Variants in NEBL observed in about 807,000 individuals in gnomAD.
The protein encoded by NEBL is nebulette, also known as LIM and SH3 protein 2.
NEBL carries 122 observed loss-of-function variants against 140.2 expected under a neutral mutation model. The observed-to-expected ratio is 0.87, with a 90% CI of 0.75 to 1.01. NEBL has a LOEUF of 1.01. NEBL is among the 50% of genes least tolerant of loss of function. The pLI, the probability that NEBL is intolerant of heterozygous loss-of-function variation, is 0.00. For missense variants in NEBL, 1,365 were observed against 1,231.3 expected (o/e 1.11, Z -1.62); for synonymous variants, 436 against 398.9 (o/e 1.09, Z -1.11).
At chr10:20,871,076 A>T in intron 5 of NEBL, among the ~76,000 whole-genome samples, 1 of 152,344 alleles carries the variant, frequency 6.6e-6, no homozygotes, top group Admixed American at 6.5e-5. Context: ...TAAAGTCATA[A>T]TGCAAAGTGT....
Position 21,186,257 on chromosome 10 carries a change from A to AACACACACACACAC in NEBL, n.349-13794_349-13781dup, listed in dbSNP as rs765894739. Among the ~76,000 whole-genome samples, 574 of 124,802 alleles carry AACACACACACACAC rather than the reference A, an allele frequency of 4.6e-3. 7 individuals are homozygous for AACACACACACACAC. The highest frequency in any genetic ancestry group is 0.014 in the African/African-American group (490 of 35,514). The allele number at this position is 124,802 out of a possible 152,430, so 81.9% of individuals were successfully genotyped here. A position where few individuals can be genotyped will look rare whatever the true frequency, so the allele number is the denominator to read the frequency against. On this transcript the variant is annotated intron_variant and non_coding_transcript_variant, in intron 3 of 8. Transcript: ENST00000675702. ...TTTTTAAAAAATTTTTATATATACA[A>AACACACACACACAC]ACACACACACACACACACACACACA...
chr10:21,201,270 C>T (rs1047766775), intron 3 of NEBL, among the ~76,000 whole-genome samples: 2 of 152,194 alleles, frequency 1.3e-5, no homozygotes, highest in African/African-American at 2.4e-5. Context: ...ATCTCCCTGC[C>T]TGTGTCGGGC....
At chr10:20,971,824 A>G (rs895992608) in intron 3 of NEBL, among the ~76,000 whole-genome samples, 29 of 152,090 alleles carry the variant, frequency 1.9e-4, no homozygotes, top group African/African-American at 6.5e-4. Flanking sequence ...TGCATTAGCC[A>G]GGATGGTCTC....
intron 2 of NEBL, among the ~76,000 whole-genome samples, chr10:21,024,676 C>T (rs1274308610): frequency 6.6e-6 from 1 of 152,102 alleles, no homozygotes; most frequent in Non-Finnish European, 1.5e-5. Context: ...TAATTTCAAA[C>T]TCAACACATC....
intron 2 of NEBL, among the ~76,000 whole-genome samples, chr10:21,140,809 G>A (rs1055247696): frequency 6.6e-5 from 10 of 152,096 alleles, no homozygotes; most frequent in African/African-American, 2.2e-4. Context: ...AGGGCAAGGG[G>A]AGGGAGAGCA....
At position 20,880,788 on chromosome 10, in the gene NEBL, C is replaced by T. The variant is rs1845946294; in HGVS notation, c.480+6G>A. On this transcript the variant is annotated splice_donor_region_variant and intron_variant, in intron 5 of 27. Transcript: ENST00000377122. The stretch of plus-strand genomic sequence containing the variant: ...CTAGAAAATCATGAGAAATGCGCTT[C>T]CTTACATTACTCTGGTGTTTATTGA... 6.3e-7 allele frequency: 1 copy of T among 1,593,128 alleles called. No homozygotes were observed. Among genetic ancestry groups the T allele is most frequent in the South Asian group, 1.1e-5 (1 of 90,664 alleles).
intron 13 of NEBL, among the ~76,000 whole-genome samples, chr10:20,836,833 C>T (rs1485637892): frequency 4.6e-5 from 7 of 152,136 alleles, no homozygotes; most frequent in Non-Finnish European, 8.8e-5. Flanking sequence ...CCTAAATTTT[C>T]ATGGCCATGG....
chr10:20,911,057 G>A (rs528837057), intron 4 of NEBL, among the ~76,000 whole-genome samples: 229 of 152,090 alleles, frequency 1.5e-3, no homozygotes, highest in Non-Finnish European at 2.8e-3. Flanking sequence ...CCAGCTGCTC[G>A]GGAGGATGAA....
intron 2 of NEBL, among the ~76,000 whole-genome samples, chr10:21,069,518 C>T (rs1313722567): frequency 6.6e-6 from 1 of 152,230 alleles, no homozygotes; most frequent in Non-Finnish European, 1.5e-5. Context: ...GAGAATCACT[C>T]TCCTGCTCCC....
intron 3 of NEBL, among the ~76,000 whole-genome samples, chr10:21,002,686 C>T (rs775001437): frequency 1.1e-4 from 16 of 151,958 alleles, no homozygotes; most frequent in Non-Finnish European, 1.6e-4. Context: ...CAATGGAGTA[C>T]GAAAGAGAGC....
intron 3 of NEBL, among the ~76,000 whole-genome samples, chr10:21,216,991 GAA>G (rs113200768): frequency 3.4e-5 from 5 of 147,462 alleles, no homozygotes; most frequent in South Asian, 4.3e-4. Flanking sequence ...CAGTCTCGAA[GAA>G]AAAAAAAAAT....
rs141707642 is a variant in NEBL at position 21,173,840 on chromosome 10, G to A, written c.-7C>T. 10,418 of 1,610,848 alleles carry A rather than the reference G, an allele frequency of 6.5e-3. 103 individuals carry two copies. Among genetic ancestry groups the A allele is most frequent in the African/African-American group, 0.027 (1,987 of 74,932 alleles). ...GGGCGCACTGGGGGTTCATGATCGCGGTTCCCGGGGGCGGCGGCGGCGGCG... is the reference window on the plus strand; with the variant it reads ...GGGCGCACTGGGGGTTCATGATCGCAGTTCCCGGGGGCGGCGGCGGCGGCG... On this transcript the variant is annotated 5_prime_UTR_variant, in exon 1 of 7. Transcript: ENST00000417816. This position sits in a 1 kb window ranked among gnomAD's most constrained non-coding sequence, Gnocchi z 5.7.
intron 12 of NEBL, among the ~76,000 whole-genome samples, chr10:20,841,159 C>T (rs1310041140): frequency 6.6e-6 from 1 of 151,920 alleles, no homozygotes; most frequent in East Asian, 1.9e-4. Context: ...AACACGTGTT[C>T]CTTATTAATT....
intron 3 of NEBL, among the ~76,000 whole-genome samples, chr10:21,234,334 A>T (rs948915040): frequency 6.6e-6 from 1 of 152,170 alleles, no homozygotes; most frequent in South Asian, 2.1e-4. Flanking sequence ...TCCTATCAGT[A>T]ATGAGTTCAC....
intron 2 of NEBL, among the ~76,000 whole-genome samples, chr10:21,155,564 T>C (rs1840307041): frequency 6.6e-6 from 1 of 152,212 alleles, no homozygotes; most frequent in Non-Finnish European, 1.5e-5. Flanking sequence ...TTCATTTCAC[T>C]TTATACATAA....
At chr10:20,928,994 C>G (rs1564447491) in intron 4 of NEBL, among the ~76,000 whole-genome samples, 1 of 152,044 alleles carries the variant, frequency 6.6e-6, no homozygotes, top group Non-Finnish European at 1.5e-5. Flanking sequence ...TCTTAATTCT[C>G]TCTCATCTCA....
At position 20,850,412 on chromosome 10, in the gene NEBL, G is replaced by A. The variant is rs772445046; in HGVS notation, c.1099C>T (p.Gln367Ter). 6 of 1,606,854 alleles carry A rather than the reference G, an allele frequency of 3.7e-6. 1 individual carries two copies. In the East Asian group the frequency reaches 1.3e-4, roughly 36 times the overall value. ...TGACCTACTTCACTTTGCATCTTTT[G>A]AGCCTCCTTTGAAGCTTGATATGAT... ...TPSYQASKEA[Q>*]KMQSEKVYKE... The change falls in exon 11 of 28, where the codon CAA (glutamine) becomes TAA (stop). Residue 367 changes from glutamine (Q) to a stop codon, truncating the protein, a stop_gained. Transcript: ENST00000377122. LOFTEE classifies it high-confidence loss of function.
At chr10:20,849,743 T>C (rs530680563) in intron 11 of NEBL, among the ~76,000 whole-genome samples, 4 of 152,326 alleles carry the variant, frequency 2.6e-5, no homozygotes, top group African/African-American at 9.6e-5. Context: ...TATTCTGTTA[T>C]AGCAACACAA....
At chr10:21,206,002 A>T (rs1187106553) in intron 3 of NEBL, among the ~76,000 whole-genome samples, 1 of 152,228 alleles carries the variant, frequency 6.6e-6, no homozygotes, top group Non-Finnish European at 1.5e-5. Context: ...TGCATGAACC[A>T]TTAGTCATCA....
Sources: allele counts gnomAD v4.1 joint callset (sites outside exome capture counted in the v4.1 genomes callset), GRCh38; gene constraint gnomAD v4.1.1; non-coding constraint Gnocchi (gnomAD v3.1); transcripts MANE v1.5; gene names NCBI Gene and HGNC (gene_info 2026-07-23, HGNC 2026-07-21).